AMOT: variants seen among roughly 807,000 people sequenced by gnomAD.
AMOT encodes the protein angiomotin.
A neutral mutation model predicts 67.0 loss-of-function variants in AMOT; 11 were observed. The observed-to-expected ratio is 0.16, with a 90% CI of 0.10 to 0.27. The LOEUF (loss-of-function observed/expected upper bound fraction) is 0.27. Among genes scored for constraint, AMOT ranks in the 10% least tolerant of loss-of-function variants. The pLI is 1.00. For missense variants in AMOT, 753 were observed against 852.0 expected, an observed-to-expected ratio of 0.88 and a Z score of 1.45; for synonymous variants, 326 against 321.4, an observed-to-expected ratio of 1.01 and a Z score of -0.15.
rs1293995234 is a variant in AMOT, at chrX:112,778,408, T to C, written c.*159A>G. On this transcript the variant is annotated 3_prime_UTR_variant, in exon 14 of 14. Coordinates refer to ENST00000371959, the MANE Select transcript of AMOT (RefSeq NM_001113490.2). ...ATACCAAAATAGACTGGTGTTCACA[T>C]GGTATTACTCAAGTAGTACATTGTT... is the stretch of plus-strand genomic sequence containing the variant. 3 of 444,022 alleles carry C rather than the reference T, an allele frequency of 6.8e-6. No individual in the cohort carries two copies. The highest frequency in any genetic ancestry group is 7.8e-6 in the Non-Finnish European group (2 of 255,675). The allele number at this position is 444,022 out of a possible 1,213,427, so 36.6% of individuals were successfully genotyped here.
At chrX:112,829,513 T>C (rs1275478472) in intron 2 of AMOT, among the ~76,000 whole-genome samples, 2 of 111,976 alleles carry the variant, frequency 1.8e-5, no homozygotes, top group African/African-American at 6.5e-5. Flanking sequence ...CTCTTTTCTT[T>C]ATAAATTACC....
chrX:112,782,695 G>A, intron 10 of AMOT, 33 bp from the exon 11 acceptor site: 1 of 1,185,094 alleles, frequency 8.4e-7, no homozygotes, highest in Non-Finnish European at 1.1e-6. Context: ...TGAGATGGGA[G>A]CATAGCAAGA....
intron 1 of AMOT, among the ~76,000 whole-genome samples, chrX:112,839,027 C>A (rs1245089938): frequency 8.9e-6 from 1 of 112,499 alleles, no homozygotes; most frequent in Non-Finnish European, 1.9e-5. Flanking sequence ...TTTTCCCTCC[C>A]AGCTGATCTG....
chrX:112,840,000 C>T (rs1023015669), intron 1 of AMOT, among the ~76,000 whole-genome samples: 1 of 111,520 alleles, frequency 9.0e-6, no homozygotes, highest in African/African-American at 3.3e-5. Flanking sequence ...ATTCACGGTC[C>T]TACCCCTCCT....
chrX:112,779,135 C>G lies in AMOT; in HGVS notation c.3019G>C (p.Ala1007Pro). 1 of 1,068,261 alleles carries G rather than the reference C, an allele frequency of 9.4e-7. No homozygotes were observed. The highest frequency in any genetic ancestry group is 1.3e-6 in the Non-Finnish European group (1 of 764,498). 88.0% of individuals were successfully genotyped at this position (1,068,261 alleles called of 1,213,427 possible). ...GCTGGAGTTGGAGCCACAGCCGGAG[C>G]TGAAGTTGGTGCCTGAGTCTGAGCA... The part of the protein sequence containing the change: ...APAQTQAPTS[A>P]PAVAPTPAPT... Residue 1007 changes from alanine to proline, a missense_variant, in exon 13 of 14, where the codon GCT (alanine) becomes CCT (proline). Coordinates refer to ENST00000371959, the MANE Select transcript of AMOT (RefSeq NM_001113490.2).
chrX:112,830,427 T>A (rs1689868352), intron 2 of AMOT, among the ~76,000 whole-genome samples: 2 of 112,662 alleles, frequency 1.8e-5, no homozygotes, highest in Admixed American at 1.9e-4. Flanking sequence ...TACAAAAACA[T>A]CTTTGTGATT....
Position 112,822,388 on chromosome X carries a change from T to G in AMOT, c.739A>C (p.Met247Leu). The G allele has an allele frequency of 8.6e-7, 1 of 1,167,241 alleles. No homozygotes were observed. Residue 247 changes from methionine (M) to leucine (L), a missense_variant, in exon 4 of 14, where the codon ATG becomes CTG. Physicochemically the swap from Met to Leu is conservative, Grantham distance 15. Transcript: ENST00000371959. ...GPPPEYPFKG[M>L]PPQSVVCKPQ... ...TTGCACACTACAGATTGGGGTGGCA[T>G]GCCCTTGAAGGGATATTCTGGTGGG... is the stretch of plus-strand genomic sequence containing the variant.
In AMOT at chrX:112,779,308, G is replaced by A. The variant is rs1396778645; in HGVS notation, c.2846C>T (p.Ala949Val). 4.2e-6 allele frequency: 3 copies of A among 711,401 alleles called. No individual in the cohort carries two copies. The East Asian group carries it at 1.0e-4, about 25-fold the overall frequency. The allele number at this position is 711,401 out of a possible 1,213,427, so 58.6% of individuals were successfully genotyped here. A position where few individuals can be genotyped will look rare whatever the true frequency, so the allele number is the denominator to read the frequency against. The change falls in exon 13 of 14, where the codon GCT becomes GTT. Residue 949 changes from alanine (A) to valine (V), a missense_variant. Coordinates refer to ENST00000371959, the MANE Select transcript of AMOT (RefSeq NM_001113490.2). Reference sequence around the variant, plus strand: ...AGCAGCTGAGGCAACAGAGGCAGCAGCTGGAATCTGACCAGCAGCAGCTGG... The same window carrying A: ...AGCAGCTGAGGCAACAGAGGCAGCAACTGGAATCTGACCAGCAGCAGCTGG... ...VSPAAAGQIP[A>V]AASVASAAAV...
intron 3 of AMOT, among the ~76,000 whole-genome samples, chrX:112,824,351 G>C (rs1934787574): frequency 9.0e-6 from 1 of 111,505 alleles, no homozygotes; most frequent in South Asian, 3.8e-4. Context: ...TGAACATAAT[G>C]TCACACGAAA....
rs1324978686 is a variant in AMOT at position 112,779,436 on chromosome X, G to C, written c.2718C>G (p.Thr906=). The C allele has an allele frequency of 9.3e-6, 11 of 1,179,311 alleles. No individual in the cohort carries two copies. The highest frequency in any genetic ancestry group is 1.1e-5 in the Non-Finnish European group (10 of 874,576). The change falls in exon 13 of 14, where the codon ACC becomes ACG. Residue 906 remains threonine (T), a synonymous_variant. Transcript: ENST00000371959. ...ITATAATITT[T]MVAAAPVAVA... ...CAGCAACTGGAGCAGCAGCTACCAT[G>C]GTGGTGGTGATGGTGGCAGCAGTGG...
In AMOT at chrX:112,815,759, A is replaced by C; in HGVS notation, c.991T>G (p.Leu331Val). 8.6e-7 allele frequency: 1 copy of C among 1,167,453 alleles called. No individual in the cohort carries two copies. The highest frequency in any genetic ancestry group is 1.1e-6 in the Non-Finnish European group (1 of 872,955). Residue 331 changes from leucine (L) to valine (V), a missense_variant, in exon 5 of 14, where the codon TTG becomes GTG. Leu to Val is a conservative substitution (Grantham distance 32). This residue lies in a region of AMOT where 297 missense variants were observed against 284.3 expected (regional missense o/e 1.04). Coordinates refer to ENST00000371959, the MANE Select transcript of AMOT (RefSeq NM_001113490.2). ...ACCAAGGGGTGTCGGGCAGGAGACA[A>C]TCTAGTGGATGGTGGAGATTGTAGC... is the stretch of plus-strand genomic sequence containing the variant. ...PLLQSPPSTR[L>V]SPARHPLVPN... is the part of the protein sequence containing the mutation.
chrX:112,795,605 A>G (rs1284788658), intron 8 of AMOT, among the ~76,000 whole-genome samples: 2 of 110,824 alleles, frequency 1.8e-5, no homozygotes, highest in East Asian at 5.7e-4. Flanking sequence ...CAAACTCCAA[A>G]ATATTTACAA....
intron 1 of AMOT, among the ~76,000 whole-genome samples, chrX:112,838,089 C>T (rs1052769741): frequency 3.6e-5 from 4 of 111,460 alleles, no homozygotes; most frequent in African/African-American, 1.3e-4. Context: ...ATGGAGGAGG[C>T]TACCTGGTCA....
At position 112,806,526 on chromosome X, in the gene AMOT, C is replaced by T. The variant is rs1299603084; in HGVS notation, c.1631-1434G>A. On this transcript the variant is annotated intron_variant, in intron 7 of 13. Transcript: ENST00000371959. ...TTTCTGGCTTGGGTTTTAAAGAGAG[C>T]TCAGTTTAGCAGCACCTATATAATG... Among the ~76,000 whole-genome samples the T allele has an allele frequency of 2.7e-5, 3 of 109,151 alleles. No homozygotes were observed. In the Admixed American group the frequency reaches 3.0e-4, roughly 11 times the overall value. The allele number at this position is 109,151 out of a possible 115,157, so 94.8% of individuals were successfully genotyped here. A position where few individuals can be genotyped will look rare whatever the true frequency, so the allele number is the denominator to read the frequency against.
chrX:112,797,420 A>C (rs1281378243), intron 8 of AMOT, among the ~76,000 whole-genome samples: 1 of 111,330 alleles, frequency 9.0e-6, no homozygotes, highest in African/African-American at 3.3e-5. Context: ...AGACACACAC[A>C]CACCCACCCA....
At chrX:112,817,722 T>C (rs1355542477) in intron 4 of AMOT, among the ~76,000 whole-genome samples, 1 of 112,139 alleles carries the variant, frequency 8.9e-6, no homozygotes, top group Non-Finnish European at 1.9e-5. Context: ...TTGCTGAATA[T>C]TGAAGAGGGC....
chrX:112,809,047 C>T, intron 7 of AMOT, among the ~76,000 whole-genome samples: 1 of 111,534 alleles, frequency 9.0e-6, no homozygotes, highest in East Asian at 2.8e-4. Context: ...GGAGACCTAG[C>T]AAAGATGGAA....
At chrX:112,807,942 C>A (rs1934243552) in intron 7 of AMOT, among the ~76,000 whole-genome samples, 1 of 111,826 alleles carries the variant, frequency 8.9e-6, no homozygotes, top group Non-Finnish European at 1.9e-5. Context: ...CTACAGGGGA[C>A]CATGACACAT....
At chrX:112,803,663 A>G (rs762953143) in intron 8 of AMOT, among the ~76,000 whole-genome samples, 24 of 112,222 alleles carry the variant, frequency 2.1e-4, no homozygotes, top group African/African-American at 7.8e-4. Flanking sequence ...TCCAACAAGC[A>G]TTTTAATATC....
Sources: gnomAD v4.1 joint callset for allele counts (sites outside exome capture counted in the v4.1 genomes callset) on GRCh38, gnomAD v4.1.1 for gene constraint, gnomAD v4.1.1 regional missense constraint, MANE v1.5 for transcripts, NCBI Gene and HGNC (gene_info 2026-07-23, HGNC 2026-07-21) for gene names.